PDE3A: variants seen among roughly 807,000 people sequenced by gnomAD.
The protein encoded by PDE3A is phosphodiesterase 3A, also known as cGMP-inhibited 3',5'-cyclic phosphodiesterase 3A.
A neutral mutation model predicts 98.3 loss-of-function variants in PDE3A; 43 were observed. The observed-to-expected ratio is 0.44, with a 90% CI of 0.34 to 0.56. The LOEUF is 0.56. Ranked by LOEUF, PDE3A falls within the 20% of genes least tolerant of loss-of-function variation. The pLI is 0.01. For missense variants in PDE3A, 1,427 were observed against 1,440.7 expected (o/e 0.99, Z 0.15); for synonymous variants, 663 against 567.9 (o/e 1.17, Z -2.38).
chr12:20,402,679 A>T (rs1944154758), intron 1 of PDE3A, among the ~76,000 whole-genome samples: 1 of 152,218 alleles, frequency 6.6e-6, no homozygotes, highest in Non-Finnish European at 1.5e-5. Flanking sequence ...AATTTTGAGC[A>T]AATAATTTAC....
intron 15 of PDE3A, among the ~76,000 whole-genome samples, chr12:20,662,016 G>C (rs1179890206): frequency 6.6e-6 from 1 of 152,166 alleles, no homozygotes; most frequent in Non-Finnish European, 1.5e-5. Context: ...CCATGAGGGA[G>C]GCTGTACCCT....
intron 1 of PDE3A, among the ~76,000 whole-genome samples, chr12:20,457,711 T>C (rs1945175998): frequency 6.6e-6 from 1 of 151,928 alleles, no homozygotes; most frequent in Non-Finnish European, 1.5e-5. Context: ...GAACATTTTC[T>C]TATCTGAGTT....
intron 4 of PDE3A, among the ~76,000 whole-genome samples, chr12:20,618,125 A>T (rs1303892375): frequency 6.6e-6 from 1 of 152,162 alleles, no homozygotes; most frequent in African/African-American, 2.4e-5. Flanking sequence ...TCACTGTCCT[A>T]TGAAAAGTAC....
intron 5 of PDE3A, among the ~76,000 whole-genome samples, chr12:20,625,639 TGAGA>T (rs1480673481): frequency 6.6e-6 from 1 of 152,150 alleles, no homozygotes; most frequent in Admixed American, 6.5e-5. Context: ...AAAATTAAAC[TGAGA>T]GAGTTTTATA....
chr12:20,422,369 C>T (rs199897567), intron 1 of PDE3A, among the ~76,000 whole-genome samples: 2 of 152,062 alleles, frequency 1.3e-5, no homozygotes, highest in East Asian at 3.9e-4. Context: ...TAGGGTGGCA[C>T]TAACTGTCGA....
At chr12:20,506,756 G>A (rs1946127019) in intron 1 of PDE3A, among the ~76,000 whole-genome samples, 1 of 151,826 alleles carries the variant, frequency 6.6e-6, no homozygotes, top group African/African-American at 2.4e-5. Context: ...GAAAGTATTT[G>A]GTAAGAGAGA....
intron 1 of PDE3A, among the ~76,000 whole-genome samples, chr12:20,532,338 G>A (rs1427469094): frequency 3.2e-5 from 4 of 124,084 alleles, no homozygotes; most frequent in Admixed American, 9.2e-5. Flanking sequence ...TGAAATTTAT[G>A]TAGTTATTTT....
chr12:20,572,679 C>T (rs1942828185), intron 2 of PDE3A, among the ~76,000 whole-genome samples: 1 of 151,706 alleles, frequency 6.6e-6, no homozygotes, highest in African/African-American at 2.4e-5. Context: ...TATATAATAC[C>T]CCGTCACAGT....
chr12:20,607,436 C>CAAA (rs765702703), intron 2 of PDE3A, among the ~76,000 whole-genome samples: 1 of 61,440 alleles, frequency 1.6e-5, no homozygotes, highest in Admixed American at 1.7e-4. Flanking sequence ...GACTCCGTCT[C>CAAA]AAAAAAAAAA....
chr12:20,549,236 G>A (rs1260743947), intron 1 of PDE3A, among the ~76,000 whole-genome samples: 2 of 150,302 alleles, frequency 1.3e-5, no homozygotes, highest in South Asian at 2.1e-4. Flanking sequence ...ATACAAATAG[G>A]ATAAAAATTC....
intron 14 of PDE3A, among the ~76,000 whole-genome samples, chr12:20,651,363 G>T (rs1345562737): frequency 6.6e-6 from 1 of 152,046 alleles, no homozygotes; most frequent in Non-Finnish European, 1.5e-5. Context: ...TGACAGAAAA[G>T]CATGTGGAAA....
intron 1 of PDE3A, among the ~76,000 whole-genome samples, chr12:20,497,060 A>G (rs541671025): frequency 6.6e-6 from 1 of 152,170 alleles, no homozygotes; most frequent in Non-Finnish European, 1.5e-5. Flanking sequence ...CGCTTATTCT[A>G]TAATGGAAGC....
Sources: allele counts gnomAD v4.1 joint callset (sites outside exome capture counted in the v4.1 genomes callset), GRCh38; gene constraint gnomAD v4.1.1; transcripts MANE v1.5; gene names NCBI Gene and HGNC (gene_info 2026-07-23, HGNC 2026-07-21).